The following NSMCE2 variants were observed in gnomAD, a reference collection of about 807,000 sequenced individuals.
NSMCE2 encodes the protein NSE2 SUMO ligase component of SMC5/6 complex, also known as E3 SUMO-protein ligase NSE2.
In NSMCE2, 24 loss-of-function variants were observed where a neutral mutation model predicts 23.8. That is an observed-to-expected ratio of 1.01 (90% CI 0.73 to 1.42). The LOEUF (loss-of-function observed/expected upper bound fraction) is 1.42. Ranked by LOEUF, NSMCE2 falls within the 40% of genes most tolerant of loss-of-function variation. NSMCE2 has a pLI of 0.00. For synonymous variants in NSMCE2, 92 were observed against 94.1 expected (o/e 0.98, Z 0.13); for missense variants, 284 against 296.5 (o/e 0.96, Z 0.31).
chr8:125,199,222 C>G (rs1293915767), intron 5 of NSMCE2, among the ~76,000 whole-genome samples: 1 of 152,108 alleles, frequency 6.6e-6, no homozygotes, highest in Non-Finnish European at 1.5e-5. Context: ...CTTCTGCTAA[C>G]TTTAGAATTT....
At chr8:125,290,742 A>G (rs1436796627) in intron 5 of NSMCE2, among the ~76,000 whole-genome samples, 5 of 152,166 alleles carry the variant, frequency 3.3e-5, no homozygotes, top group African/African-American at 1.2e-4. Flanking sequence ...TCTGAATGCA[A>G]AGAGACAGTT....
chr8:125,259,251 G>A (rs897479790), intron 5 of NSMCE2, among the ~76,000 whole-genome samples: 33 of 152,114 alleles, frequency 2.2e-4, no homozygotes, highest in African/African-American at 8.0e-4. Context: ...GGGCTCCTGA[G>A]TGAACTCTGC....
intron 3 of NSMCE2, among the ~76,000 whole-genome samples, chr8:125,127,667 T>G (rs1819579348): frequency 6.6e-6 from 1 of 152,156 alleles, no homozygotes; most frequent in South Asian, 2.1e-4. Context: ...TGCCTTATCT[T>G]TGTTTTCTGA....
Position 125,292,352 on chromosome 8 carries a change from C to T in NSMCE2, c.419-64867C>T, listed in dbSNP as rs144045603. ...GGTGGATCACTTGAGGTCAGGAGTTCAAGACCAGCCTGGCCAACATGGTGA... is the reference window on the plus strand; with the variant it reads ...GGTGGATCACTTGAGGTCAGGAGTTTAAGACCAGCCTGGCCAACATGGTGA... On this transcript the variant is annotated intron_variant, in intron 5 of 7. Transcript: ENST00000287437. Among the ~76,000 whole-genome samples, 511 of 152,112 alleles carry T rather than the reference C, an allele frequency of 3.4e-3. 6 individuals carry two copies. Among genetic ancestry groups the T allele is most frequent in the African/African-American group, 0.012 (486 of 41,504 alleles).
chr8:125,262,873 G>A (rs1034725706), intron 5 of NSMCE2, among the ~76,000 whole-genome samples: 1 of 152,142 alleles, frequency 6.6e-6, no homozygotes, highest in African/African-American at 2.4e-5. Flanking sequence ...GTTATATAAA[G>A]CAAGTAGTAT....
rs1246912561 is a variant in NSMCE2 at position 125,206,440 on chromosome 8, G to C, written c.418+24184G>C. Reference sequence around the variant, plus strand: ...GTGGTATATAGGATAAGTTGGTATGGGAAGAGATCTTGTTACAGGGGTTTA... The same window carrying C: ...GTGGTATATAGGATAAGTTGGTATGCGAAGAGATCTTGTTACAGGGGTTTA... On this transcript the variant is annotated intron_variant, in intron 5 of 7. Transcript: ENST00000287437. 4.6e-5 allele frequency among the ~76,000 whole-genome samples: 7 copies of C among 152,310 alleles called. No homozygotes were observed. In the East Asian group the frequency reaches 1.4e-3, roughly 29 times the overall value.
chr8:125,363,831 C>A (rs1235834836), intron 7 of NSMCE2, among the ~76,000 whole-genome samples: 1 of 152,172 alleles, frequency 6.6e-6, no homozygotes, highest in Non-Finnish European at 1.5e-5. Context: ...GCCAAATCAT[C>A]AAAATGATGC....
chr8:125,340,854 A>G (rs955486901), intron 5 of NSMCE2, among the ~76,000 whole-genome samples: 9 of 152,102 alleles, frequency 5.9e-5, no homozygotes, highest in Admixed American at 1.3e-4. Context: ...CCTTTTCTCA[A>G]TTTCATTCTA....
chr8:125,108,060 G>C (rs932091037), intron 3 of NSMCE2, among the ~76,000 whole-genome samples: 3 of 152,032 alleles, frequency 2.0e-5, no homozygotes, highest in African/African-American at 7.2e-5. Context: ...AAATTATGAT[G>C]AAAATAGTTT....
chr8:125,358,199 G>A (rs1424416930), intron 7 of NSMCE2, among the ~76,000 whole-genome samples: 1 of 151,988 alleles, frequency 6.6e-6, no homozygotes, highest in Non-Finnish European at 1.5e-5. Flanking sequence ...CAGGCTTGGT[G>A]GCAGGTGCCT....
At chr8:125,320,051 T>G (rs1369095427) in intron 5 of NSMCE2, among the ~76,000 whole-genome samples, 1 of 151,504 alleles carries the variant, frequency 6.6e-6, no homozygotes, top group Non-Finnish European at 1.5e-5. Flanking sequence ...TGGCATGCAC[T>G]TATAGTCCCA....
chr8:125,320,247 GGGAGGGAA>G (rs1289224656), intron 5 of NSMCE2, among the ~76,000 whole-genome samples: 36 of 44,656 alleles, frequency 8.1e-4, no homozygotes, highest in East Asian at 3.4e-3. Context: ...GAGGGAGGGA[GGGAGGGAA>G]GGAAGGAAGG....
At chr8:125,260,227 C>T (rs1025893915) in intron 5 of NSMCE2, among the ~76,000 whole-genome samples, 7 of 152,158 alleles carry the variant, frequency 4.6e-5, no homozygotes, top group Admixed American at 2.0e-4. Flanking sequence ...GGAGTGGCCC[C>T]GGAATGTGAC....
chr8:125,218,860 T>TA (rs1173956728), intron 5 of NSMCE2, among the ~76,000 whole-genome samples: 1 of 152,242 alleles, frequency 6.6e-6, no homozygotes, highest in Non-Finnish European at 1.5e-5. Flanking sequence ...AATTTTATGT[T>TA]ACGTGTTTTA....
intron 5 of NSMCE2, among the ~76,000 whole-genome samples, chr8:125,207,516 A>AAAACTGCT (rs1438345534): frequency 9.2e-5 from 14 of 152,370 alleles, no homozygotes; most frequent in Admixed American, 9.1e-4. Flanking sequence ...GCTGTAGTTC[A>AAAACTGCT]AAACTGCTGT....
intron 5 of NSMCE2, among the ~76,000 whole-genome samples, chr8:125,245,973 G>A (rs1825946284): frequency 6.6e-6 from 1 of 151,990 alleles, no homozygotes; most frequent in African/African-American, 2.4e-5. Flanking sequence ...GCAGTGAGCC[G>A]AGATTGCGCC....
intron 3 of NSMCE2, among the ~76,000 whole-genome samples, chr8:125,116,373 A>T (rs1459830593): frequency 6.6e-6 from 1 of 152,224 alleles, no homozygotes; most frequent in East Asian, 1.9e-4. Context: ...TAATTTTTAA[A>T]AATGAGATCA....
rs186546875 is a variant in NSMCE2, at chr8:125,294,367, T to C, written c.419-62852T>C. On this transcript the variant is annotated intron_variant, in intron 5 of 7. Coordinates refer to ENST00000287437, the MANE Select transcript of NSMCE2 (RefSeq NM_173685.4). ...ATGGTGACTCTATGTTTATCCTTTTTAGGAACTGCCAGACTTTTCCAAAAG... is the reference window on the plus strand; with the variant it reads ...ATGGTGACTCTATGTTTATCCTTTTCAGGAACTGCCAGACTTTTCCAAAAG... Among the ~76,000 whole-genome samples, 526 of 141,072 alleles carry C rather than the reference T, an allele frequency of 3.7e-3. 5 individuals are homozygous for C. The highest frequency in any genetic ancestry group is 3.9e-3 in the Non-Finnish European group (259 of 65,672). 92.5% of individuals were successfully genotyped at this position (141,072 alleles called of 152,430 possible). A position where few individuals can be genotyped will look rare whatever the true frequency, so the allele number is the denominator to read the frequency against.
At chr8:125,193,391 A>G (rs1823451646) in intron 5 of NSMCE2, among the ~76,000 whole-genome samples, 2 of 152,254 alleles carry the variant, frequency 1.3e-5, no homozygotes, top group African/African-American at 4.8e-5. Flanking sequence ...CTGTTTAAAA[A>G]TTAGCAAAGG....
Sources: allele counts gnomAD v4.1 joint callset (sites outside exome capture counted in the v4.1 genomes callset), GRCh38; gene constraint gnomAD v4.1.1; transcripts MANE v1.5; gene names NCBI Gene and HGNC (gene_info 2026-07-23, HGNC 2026-07-21).